The following EYS variants were observed in gnomAD, a reference collection of about 807,000 sequenced individuals.
The protein encoded by EYS is protein eyes shut homolog.
Under a neutral mutation model 282.1 loss-of-function variants are expected in EYS, and 250 were observed. That is an observed-to-expected ratio of 0.89 (90% CI 0.80 to 0.98). EYS has a LOEUF of 0.98. EYS is among the 50% of genes least tolerant of loss of function. The probability of loss-of-function intolerance (pLI) is 0.00; values close to 1 mark genes in which losing one functional copy is unlikely to be tolerated. For synonymous variants in EYS, 1,355 were observed against 1,282.9 expected, an observed-to-expected ratio of 1.06 and a Z score of -1.20; for missense variants, 4,016 against 3,709.0, an observed-to-expected ratio of 1.08 and a Z score of -2.15.
chr6:64,916,290 G>T (rs1768160492), intron 15 of EYS, among the ~76,000 whole-genome samples: 1 of 152,160 alleles, frequency 6.6e-6, no homozygotes, highest in Non-Finnish European at 1.5e-5. Context: ...TGGCATATGT[G>T]CTGAAGGTTT....
intron 18 of EYS, among the ~76,000 whole-genome samples, chr6:64,893,534 CA>C (rs887269155): frequency 7.9e-5 from 12 of 151,282 alleles, no homozygotes; most frequent in Non-Finnish European, 1.5e-4. Flanking sequence ...TTAAGTTTTT[CA>C]AAAAAATAAA....
intron 22 of EYS, among the ~76,000 whole-genome samples, chr6:64,801,512 A>G (rs1774552467): frequency 6.7e-6 from 1 of 149,126 alleles, no homozygotes; most frequent in African/African-American, 2.4e-5. Context: ...TTAAAAGAAG[A>G]AAAAGCTGCT....
rs115107672 is a variant in EYS at position 64,786,586 on chromosome 6, T to G, written c.3443+26792A>C. 6.9e-3 allele frequency among the ~76,000 whole-genome samples: 1,048 copies of G among 152,254 alleles called. 15 individuals carry two copies. Among genetic ancestry groups the G allele is most frequent in the African/African-American group, 0.024 (992 of 41,528 alleles). ...TCTACTTTTTTATCATGTCATTCAT[T>G]CTATCTCTCTTGACACCATACCGGG... On this transcript the variant is annotated intron_variant, in intron 22 of 42. Transcript: ENST00000503581.
intron 31 of EYS, among the ~76,000 whole-genome samples, chr6:64,108,507 C>CT (rs530004392): frequency 0.012 from 1,348 of 116,804 alleles, 16 homozygotes; most frequent in African/African-American, 0.022. Flanking sequence ...TCCACTACTG[C>CT]TTTTTTTTTT....
At chr6:63,741,796 C>T (rs760614871) in intron 41 of EYS, 17 of 618,798 alleles carry the variant, frequency 2.7e-5, no homozygotes, top group Non-Finnish European at 5.1e-5. Flanking sequence ...CAACATTTCA[C>T]CTAATTCTAA....
At chr6:65,678,481 A>C (rs2149836989) in intron 1 of EYS, among the ~76,000 whole-genome samples, 1 of 152,182 alleles carries the variant, frequency 6.6e-6, no homozygotes, top group Non-Finnish European at 1.5e-5. Flanking sequence ...ACTTAACTAT[A>C]AGACATGAAA....
intron 26 of EYS, among the ~76,000 whole-genome samples, chr6:64,480,092 C>A (rs1207717442): frequency 2.0e-5 from 3 of 151,822 alleles, no homozygotes; most frequent in Admixed American, 6.6e-5. Flanking sequence ...ATTGTTCTAA[C>A]CCTATATAAA....
intron 11 of EYS, among the ~76,000 whole-genome samples, chr6:65,318,889 G>C (rs763881707): frequency 1.5e-4 from 23 of 150,004 alleles, no homozygotes; most frequent in Non-Finnish European, 3.0e-4. Flanking sequence ...GGATCCACCC[G>C]CCTTGGCCTG....
At chr6:63,959,726 G>A (rs575834889) in intron 35 of EYS, among the ~76,000 whole-genome samples, 7 of 152,240 alleles carry the variant, frequency 4.6e-5, no homozygotes, top group African/African-American at 1.7e-4. Context: ...CATGGATGAA[G>A]CTGGAAGCCA....
At chr6:64,692,414 G>A (rs6454974) in intron 22 of EYS, among the ~76,000 whole-genome samples, 103,559 of 152,038 alleles carry the variant, frequency 0.68, 36,330 homozygotes, top group Middle Eastern at 0.78. Context: ...CCATTTTGTA[G>A]GTTATCTGTT....
At chr6:64,806,236 G>A (rs1764419028) in intron 22 of EYS, among the ~76,000 whole-genome samples, 1 of 151,706 alleles carries the variant, frequency 6.6e-6, no homozygotes, top group Admixed American at 6.6e-5. Context: ...TTTCCAAGCT[G>A]TAAAACTAAT....
chr6:64,787,779 T>C (rs1774069812), intron 22 of EYS, among the ~76,000 whole-genome samples: 1 of 150,884 alleles, frequency 6.6e-6, no homozygotes, highest in Non-Finnish European at 1.5e-5. Flanking sequence ...CATTTTCTCA[T>C]TTTACTTCTG....
At chr6:64,492,550 A>C (rs573047718) in intron 26 of EYS, among the ~76,000 whole-genome samples, 22 of 151,244 alleles carry the variant, frequency 1.5e-4, no homozygotes, top group South Asian at 6.2e-4. Context: ...GCCCCCACAC[A>C]CACCAAAAGA....
rs1164664346 is a variant in EYS at position 64,636,599 on chromosome 6, T to C, written c.3444-10354A>G. Among the ~76,000 whole-genome samples, 5 of 152,166 alleles carry C rather than the reference T, an allele frequency of 3.3e-5. No individual in the cohort carries two copies. The East Asian group carries it at 9.7e-4, about 29-fold the overall frequency. Reference sequence around the variant, plus strand: ...GCCAAAATTGACAAATGGGATCTCATTAAACTAAAGAGCTTCTGCACAGCA... The same window carrying C: ...GCCAAAATTGACAAATGGGATCTCACTAAACTAAAGAGCTTCTGCACAGCA... On this transcript the variant is annotated intron_variant, in intron 22 of 42. Coordinates refer to ENST00000503581, the MANE Select transcript of EYS (RefSeq NM_001142800.2).
At chr6:64,975,128 C>A (rs1285523988) in intron 14 of EYS, among the ~76,000 whole-genome samples, 4 of 151,712 alleles carry the variant, frequency 2.6e-5, no homozygotes, top group Admixed American at 2.6e-4. Flanking sequence ...AGGTCAGGAG[C>A]TGCACACATT....
At chr6:64,803,644 C>G (rs1426471872) in intron 22 of EYS, among the ~76,000 whole-genome samples, 1 of 152,182 alleles carries the variant, frequency 6.6e-6, no homozygotes, top group African/African-American at 2.4e-5. Context: ...GGAGGGGCGT[C>G]TGCAGGTCCA....
intron 22 of EYS, chr6:64,731,093 TG>T (rs1771947000): frequency 6.6e-6 from 1 of 152,128 alleles, no homozygotes; most frequent in African/African-American, 2.4e-5. Context: ...ATAATGAAAC[TG>T]GACCCCTTCC....
intron 1 of EYS, among the ~76,000 whole-genome samples, chr6:65,689,475 G>C: frequency 6.7e-6 from 1 of 149,676 alleles, no homozygotes; most frequent in East Asian, 2.3e-4. Flanking sequence ...GTATACGTAT[G>C]TAACTAACCT....
chr6:65,002,792 T>G (rs1771507449), intron 13 of EYS, among the ~76,000 whole-genome samples: 1 of 147,674 alleles, frequency 6.8e-6, no homozygotes, highest in Non-Finnish European at 1.5e-5. Context: ...GGACATTTAT[T>G]AGTTCCCCAA....
Sources: allele counts gnomAD v4.1 joint callset (sites outside exome capture counted in the v4.1 genomes callset), GRCh38; gene constraint gnomAD v4.1.1; transcripts MANE v1.5; gene names NCBI Gene and HGNC (gene_info 2026-07-23, HGNC 2026-07-21).